The following RNF152 variants were observed in gnomAD, a reference collection of about 807,000 sequenced individuals.
RNF152 encodes the protein E3 ubiquitin-protein ligase RNF152.
Under a neutral mutation model 12.7 loss-of-function variants are expected in RNF152, and 11 were observed. The observed-to-expected ratio is 0.86, with a 90% CI of 0.54 to 1.43. The LOEUF (loss-of-function observed/expected upper bound fraction) is 1.43. Ranked by LOEUF, RNF152 falls within the 40% of genes most tolerant of loss-of-function variation. RNF152 has a pLI of 0.00. For missense variants in RNF152, 255 were observed against 274.8 expected, an observed-to-expected ratio of 0.93 and a Z score of 0.51; for synonymous variants, 113 against 120.3, an observed-to-expected ratio of 0.94 and a Z score of 0.40.
At chr18:61,877,200 C>T (rs747485242) in intron 1 of RNF152, among the ~76,000 whole-genome samples, 8 of 152,204 alleles carry the variant, frequency 5.3e-5, no homozygotes, top group Admixed American at 2.0e-4. Context: ...ATTTGACTTA[C>T]GTATTTTGGT....
At chr18:61,848,391 T>C (rs370621386) in intron 1 of RNF152, among the ~76,000 whole-genome samples, 28 of 152,226 alleles carry the variant, frequency 1.8e-4, no homozygotes, top group African/African-American at 6.5e-4. Context: ...AAAGAGAAGC[T>C]CTAGGTTTAT....
intron 1 of RNF152, among the ~76,000 whole-genome samples, chr18:61,828,097 C>T (rs926385895): frequency 6.6e-6 from 1 of 152,208 alleles, no homozygotes; most frequent in African/African-American, 2.4e-5. Context: ...AATGTACTCA[C>T]CTGTGTAACC....
rs1003401143 is a variant in RNF152, at chr18:61,813,913, G to A, written c.*1939C>T. 1 of 152,128 alleles carries A rather than the reference G, an allele frequency of 6.6e-6. No homozygotes were observed. The highest frequency in any genetic ancestry group is 1.5e-5 in the Non-Finnish European group (1 of 68,022). 9.4% of individuals were successfully genotyped at this position (152,128 alleles called of 1,614,324 possible). On this transcript the variant is annotated 3_prime_UTR_variant, in exon 2 of 2. Coordinates refer to ENST00000312828, the MANE Select transcript of RNF152 (RefSeq NM_173557.3). ...CAGTATATTATGTTATGTAATAGAG[G>A]ATAGTATTCAGCTAATATGACACCT... is the stretch of plus-strand genomic sequence containing the variant.
At chr18:61,841,252 G>A (rs1243894135) in intron 1 of RNF152, among the ~76,000 whole-genome samples, 1 of 152,072 alleles carries the variant, frequency 6.6e-6, no homozygotes, top group African/African-American at 2.4e-5. Flanking sequence ...CTAAAATTCT[G>A]GACATTAGAA....
In RNF152 at chr18:61,838,802, C is replaced by T. The variant is rs75414484; in HGVS notation, c.-135-22204G>A. On this transcript the variant is annotated intron_variant, in intron 1 of 1. Coordinates refer to ENST00000312828, the MANE Select transcript of RNF152 (RefSeq NM_173557.3). The stretch of plus-strand genomic sequence containing the variant: ...CAGATCTATCAAAGTCTTCACCCAG[C>T]CTTTTCTCATGACTTGACTCCTTGA... 1.8e-3 allele frequency among the ~76,000 whole-genome samples: 281 copies of T among 152,282 alleles called. 1 individual carries two copies. The highest frequency in any genetic ancestry group is 6.5e-3 in the African/African-American group (271 of 41,562).
chr18:61,860,426 G>A (rs1379360164), intron 1 of RNF152, among the ~76,000 whole-genome samples: 1 of 152,220 alleles, frequency 6.6e-6, no homozygotes, highest in Non-Finnish European at 1.5e-5. Flanking sequence ...GGTCCCATAA[G>A]ATTATAATGG....
chr18:61,849,496 G>A (rs969338948), intron 1 of RNF152, among the ~76,000 whole-genome samples: 1 of 152,178 alleles, frequency 6.6e-6, no homozygotes, highest in Non-Finnish European at 1.5e-5. Flanking sequence ...ACAGCCACAC[G>A]AAGGGGATTG....
intron 1 of RNF152, among the ~76,000 whole-genome samples, chr18:61,839,538 T>C (rs536225656): frequency 2.3e-4 from 35 of 152,278 alleles, no homozygotes; most frequent in African/African-American, 7.7e-4. Context: ...TAGCAGGTGG[T>C]TGTGTTGTAG....
intron 1 of RNF152, among the ~76,000 whole-genome samples, chr18:61,821,124 G>C (rs1171487305): frequency 6.6e-6 from 1 of 152,214 alleles, no homozygotes; most frequent in Non-Finnish European, 1.5e-5. Context: ...AACAGCTTGG[G>C]AGGAGGCATG....
intron 1 of RNF152, among the ~76,000 whole-genome samples, chr18:61,878,101 A>T (rs375018831): frequency 2.0e-5 from 3 of 152,222 alleles, no homozygotes; most frequent in African/African-American, 7.2e-5. Context: ...TCTGAACTGC[A>T]TCTCATTTCC....
intron 1 of RNF152, among the ~76,000 whole-genome samples, chr18:61,869,341 G>T (rs1485941323): frequency 6.6e-6 from 1 of 152,138 alleles, no homozygotes; most frequent in Admixed American, 6.5e-5. Flanking sequence ...TGGTCTCCAA[G>T]ATTCATCTTT....
At chr18:61,843,510 T>C (rs9945922) in intron 1 of RNF152, among the ~76,000 whole-genome samples, 1,562 of 152,340 alleles carry the variant, frequency 0.01, 24 homozygotes, top group African/African-American at 0.036. Context: ...TCCATGTTCA[T>C]AGCAACATTA....
rs552643158 is a variant in RNF152, at chr18:61,873,286, G to T, written c.-136+19509C>A. 2.6e-3 allele frequency among the ~76,000 whole-genome samples: 399 copies of T among 152,302 alleles called. 1 individual carries two copies. The highest frequency in any genetic ancestry group is 8.7e-3 in the African/African-American group (360 of 41,566). On this transcript the variant is annotated intron_variant, in intron 1 of 1. Coordinates refer to ENST00000312828, the MANE Select transcript of RNF152 (RefSeq NM_173557.3). The stretch of plus-strand genomic sequence containing the variant: ...TTAACTGACACAAGTACAAATATCA[G>T]AGATATTTAATATTTAAAATTGTAC...
chr18:61,826,019 G>A (rs534753592), intron 1 of RNF152, among the ~76,000 whole-genome samples: 57 of 152,194 alleles, frequency 3.7e-4, no homozygotes, highest in African/African-American at 1.1e-3. Context: ...TAGGCTTTGC[G>A]GATCCTACAG....
At chr18:61,844,649 C>A (rs540655742) in intron 1 of RNF152, among the ~76,000 whole-genome samples, 1 of 152,088 alleles carries the variant, frequency 6.6e-6, no homozygotes, top group Non-Finnish European at 1.5e-5. Flanking sequence ...AACAGGCCAA[C>A]AAATTATTCA....
intron 1 of RNF152, among the ~76,000 whole-genome samples, chr18:61,890,766 G>C (rs1912920572): frequency 6.6e-6 from 1 of 152,154 alleles, no homozygotes; most frequent in South Asian, 2.1e-4. Context: ...AGCATAGGTG[G>C]GTTCAAACAA....
chr18:61,851,520 T>C (rs1056737890), intron 1 of RNF152, among the ~76,000 whole-genome samples: 14 of 152,184 alleles, frequency 9.2e-5, no homozygotes, highest in African/African-American at 3.4e-4. Context: ...AACAGCCCTA[T>C]GGGAGGGTAT....
chr18:61,846,664 G>A (rs1910755889), intron 1 of RNF152, among the ~76,000 whole-genome samples: 1 of 152,162 alleles, frequency 6.6e-6, no homozygotes, highest in Admixed American at 6.5e-5. Flanking sequence ...ACTCAACACT[G>A]GGCAAACACC....
rs149935114 is a variant in RNF152 at position 61,862,633 on chromosome 18, T to C, written c.-136+30162A>G. ...TGGAGGGTGGCACCCACGGAGGGCA[T>C]AGAAGCTCCACACCCTGTCCCCCAC... is the stretch of plus-strand genomic sequence containing the variant. On this transcript the variant is annotated intron_variant, in intron 1 of 1. Transcript: ENST00000312828. Among the ~76,000 whole-genome samples the C allele has an allele frequency of 3.7e-3, 570 of 152,290 alleles. 4 individuals carry two copies. Among genetic ancestry groups the C allele is most frequent in the African/African-American group, 0.013 (535 of 41,544 alleles).
Sources: gnomAD v4.1 joint callset for allele counts (sites outside exome capture counted in the v4.1 genomes callset) on GRCh38, gnomAD v4.1.1 for gene constraint, MANE v1.5 for transcripts, NCBI Gene and HGNC (gene_info 2026-07-23, HGNC 2026-07-21) for gene names.